ALG8: variants seen among roughly 807,000 people sequenced by gnomAD.
ALG8 encodes the protein ALG8 alpha-1,3-glucosyltransferase, also known as dolichyl pyrophosphate Glc1Man9GlcNAc2 alpha-1,3-glucosyltransferase.
A neutral mutation model predicts 70.2 loss-of-function variants in ALG8; 48 were observed. The ratio of observed to expected loss-of-function variants is 0.68; its 90% CI spans 0.54 to 0.87. The LOEUF (loss-of-function observed/expected upper bound fraction) is 0.87. Ranked by LOEUF, ALG8 falls within the 40% of genes least tolerant of loss-of-function variation. The probability of loss-of-function intolerance (pLI) is 0.00; values close to 1 mark genes in which losing one functional copy is unlikely to be tolerated. For missense variants in ALG8, 572 were observed against 608.7 expected (o/e 0.94, Z 0.64); for synonymous variants, 234 against 229.0 (o/e 1.02, Z -0.20).
chr11:78,130,645 T>G (rs1223356943), intron 1 of ALG8, among the ~76,000 whole-genome samples: 1 of 152,288 alleles, frequency 6.6e-6, no homozygotes, highest in South Asian at 2.1e-4. Flanking sequence ...CTTTACTTTA[T>G]GGTTTTCCCT....
At chr11:78,139,269 C>T in intron 1 of ALG8, 1 of 580,600 alleles carries the variant, frequency 1.7e-6, no homozygotes. Context: ...GGTTCAGAAA[C>T]GTTAAAGTGA....
At chr11:78,133,086 C>T (rs537320410) in intron 1 of ALG8, among the ~76,000 whole-genome samples, 181 of 152,206 alleles carry the variant, frequency 1.2e-3, no homozygotes, top group African/African-American at 3.7e-3. Flanking sequence ...CCGCCCGCCT[C>T]GGCCTCCCAA....
chr11:78,116,347 G>C (rs573686863), intron 5 of ALG8, among the ~76,000 whole-genome samples: 1 of 152,168 alleles, frequency 6.6e-6, no homozygotes, highest in African/African-American at 2.4e-5. Context: ...TCCAGCCTGG[G>C]TGACAATGCA....
At chr11:78,123,427 T>C (rs1183092978) in intron 3 of ALG8, among the ~76,000 whole-genome samples, 2 of 151,574 alleles carry the variant, frequency 1.3e-5, no homozygotes, top group East Asian at 1.9e-4. Context: ...TATATGTGTA[T>C]TCAATACTTA....
chr11:78,116,855 G>T (rs1860594546), intron 5 of ALG8, among the ~76,000 whole-genome samples: 1 of 152,184 alleles, frequency 6.6e-6, no homozygotes, highest in African/African-American at 2.4e-5. Flanking sequence ...CTCATCAGGT[G>T]CGGTCTAGAA....
At chr11:78,114,101 A>C (rs1860447249) in intron 6 of ALG8, 112 bp from the exon 7 acceptor site, 1 of 1,355,626 alleles carries the variant, frequency 7.4e-7, no homozygotes, top group Non-Finnish European at 1.0e-6. Flanking sequence ...CAATCTATTC[A>C]TGATGTGGCA....
At chr11:78,121,011 T>C in intron 4 of ALG8, 54 bp downstream of exon 4, 1 of 1,412,054 alleles carries the variant, frequency 7.1e-7, no homozygotes, top group Non-Finnish European at 1.0e-6. Flanking sequence ...ATTAATCTTG[T>C]ATTAGTATAC....
intron 10 of ALG8, among the ~76,000 whole-genome samples, chr11:78,105,365 C>G (rs945506530): frequency 3.9e-5 from 6 of 152,142 alleles, no homozygotes; most frequent in Non-Finnish European, 8.8e-5. Context: ...TGGACACTTA[C>G]ATTTAAAATG....
chr11:78,138,074 G>A (rs930827802), intron 1 of ALG8, among the ~76,000 whole-genome samples: 44 of 152,258 alleles, frequency 2.9e-4, no homozygotes, highest in African/African-American at 9.9e-4. Flanking sequence ...GGCCAGGCAC[G>A]GTGGCTCATG....
chr11:78,101,269 C>T (rs1859784793), intron 12 of ALG8, 74 bp from the exon 13 acceptor site: 1 of 1,199,998 alleles, frequency 8.3e-7, no homozygotes, highest in South Asian at 1.3e-5. Flanking sequence ...CTAGCTAAAG[C>T]TTCCCCATCT....
intron 1 of ALG8, among the ~76,000 whole-genome samples, chr11:78,130,348 CAAAAAAAA>C (rs1174378754): frequency 2.0e-5 from 1 of 49,180 alleles, no homozygotes; most frequent in Non-Finnish European, 3.2e-5. Context: ...GACCCGGTCT[CAAAAAAAA>C]AAAAAAAAAA....
chr11:78,123,064 T>C (rs931527140), intron 3 of ALG8, among the ~76,000 whole-genome samples: 3 of 151,946 alleles, frequency 2.0e-5, no homozygotes, highest in South Asian at 4.2e-4. Context: ...TCCCAGCACT[T>C]TGGGAGGCCG....
intron 10 of ALG8, 42 bp from the exon 11 acceptor site, chr11:78,104,495 C>T (rs1322642480): frequency 8.6e-6 from 13 of 1,516,626 alleles, no homozygotes; most frequent in Non-Finnish European, 1.2e-5. Context: ...ACTGTTATTA[C>T]ACTTGCAAAT....
chr11:78,107,075 G>C (rs751309151), intron 9 of ALG8, 129 bp from the exon 10 acceptor site: 19 of 1,155,534 alleles, frequency 1.6e-5, no homozygotes, highest in Non-Finnish European at 2.3e-5. Context: ...TCATGAAACC[G>C]AATCATTCAT....
intron 8 of ALG8, among the ~76,000 whole-genome samples, chr11:78,110,971 C>A (rs577696261): frequency 6.6e-6 from 1 of 152,314 alleles, no homozygotes; most frequent in Admixed American, 6.5e-5. Flanking sequence ...GCAACTGGCC[C>A]TTGTACCTCA....
At chr11:78,134,602 T>C (rs182955351) in intron 1 of ALG8, among the ~76,000 whole-genome samples, 140 of 152,366 alleles carry the variant, frequency 9.2e-4, no homozygotes, top group African/African-American at 3.2e-3. Flanking sequence ...ACCCTGCCAC[T>C]GATTATTAAC....
At chr11:78,120,985 C>A in intron 4 of ALG8, 80 bp downstream of exon 4, 1 of 1,319,056 alleles carries the variant, frequency 7.6e-7, no homozygotes. Context: ...CATCTCCAAT[C>A]ATTATTATAG....
chr11:78,132,604 G>A (rs988657725), intron 1 of ALG8, among the ~76,000 whole-genome samples: 9 of 152,006 alleles, frequency 5.9e-5, no homozygotes, highest in African/African-American at 1.9e-4. Flanking sequence ...CCTTATCATA[G>A]CTGCCCAAAT....
chr11:78,110,696 A>C (rs1433157299), intron 8 of ALG8, among the ~76,000 whole-genome samples: 10 of 152,232 alleles, frequency 6.6e-5, no homozygotes, highest in Admixed American at 2.0e-4. Flanking sequence ...TCTGGCTAAT[A>C]GGACAGTCAG....
Sources: gnomAD v4.1 joint callset for allele counts (sites outside exome capture counted in the v4.1 genomes callset) on GRCh38, gnomAD v4.1.1 for gene constraint, MANE v1.5 for transcripts, NCBI Gene and HGNC (gene_info 2026-07-23, HGNC 2026-07-21) for gene names.